Variants in FLACC1 observed in about 807,000 individuals in gnomAD.
The protein encoded by FLACC1 is flagellum-associated coiled-coil domain-containing protein 1.
Under a neutral mutation model 62.8 loss-of-function variants are expected in FLACC1, and 66 were observed. The ratio of observed to expected loss-of-function variants is 1.05; its 90% CI spans 0.86 to 1.29. The LOEUF (loss-of-function observed/expected upper bound fraction) is 1.29, where lower values mean the gene tolerates loss of function less well. FLACC1 is among the 50% of genes most tolerant of loss of function. The pLI is 0.00. For synonymous variants in FLACC1, 156 were observed against 161.0 expected (o/e 0.97, Z 0.24); for missense variants, 452 against 489.1 (o/e 0.92, Z 0.71).
At chr2:201,343,325 T>G (rs928975685) in intron 6 of FLACC1, among the ~76,000 whole-genome samples, 10 of 152,240 alleles carry the variant, frequency 6.6e-5, no homozygotes, top group Non-Finnish European at 8.8e-5. Context: ...GTTGAGAGAT[T>G]GTATGCAAAT....
At chr2:201,362,514 C>T in the FLACC1 span, among the ~76,000 whole-genome samples, 1 of 151,954 alleles carries the variant, frequency 6.6e-6, no homozygotes, top group African/African-American at 2.4e-5. Flanking sequence ...ACAAACAGCC[C>T]CAGTGATGGC....
Position 201,326,981 on chromosome 2 carries a change from G to T in FLACC1, c.675+3489C>A, listed in dbSNP as rs747840757. Among the ~76,000 whole-genome samples the T allele has an allele frequency of 4.6e-5, 7 of 152,106 alleles. No individual in the cohort carries two copies. Among genetic ancestry groups the T allele is most frequent in the African/African-American group, 7.2e-5 (3 of 41,426 alleles). On this transcript the variant is annotated intron_variant, in intron 9 of 14. Coordinates refer to ENST00000392257, the MANE Select transcript of FLACC1 (RefSeq NM_001127391.3). This position sits in a 1 kb window ranked among gnomAD's most constrained non-coding sequence, Gnocchi z 4.1. The stretch of plus-strand genomic sequence containing the variant: ...GTACTGGTATAAAAGTAGGCACATA[G>T]GCCAAGGAAACAGAACAGAAAACCC...
intron 7 of FLACC1, among the ~76,000 whole-genome samples, chr2:201,339,066 C>CTTTTTTTTTTTTTTTTTTTTTTTT (rs1559414089): frequency 3.3e-5 from 5 of 151,982 alleles, no homozygotes; most frequent in African/African-American, 1.2e-4. Context: ...TGTTGGGAGA[C>CTTTTTTTTTTTTTTTTTTTTTTTT]TTTTTATTAC....
rs1950166961 is a variant in FLACC1, at chr2:201,309,260, TA to T, written c.676-11del. 6.3e-7 allele frequency: 1 copy of T among 1,598,480 alleles called. No individual in the cohort carries two copies. Among genetic ancestry groups the T allele is most frequent in the Non-Finnish European group, 8.6e-7 (1 of 1,166,522 alleles). ...CATCATAAATACTGTCCTGGGGAGGTACAAAGGCACCATGAAGAAAAGAGTC... is the reference window on the plus strand; with the variant it reads ...CATCATAAATACTGTCCTGGGGAGGTCAAAGGCACCATGAAGAAAAGAGTC... On this transcript the variant is annotated splice_polypyrimidine_tract_variant and intron_variant, in intron 9 of 14. Coordinates refer to ENST00000392257, the MANE Select transcript of FLACC1 (RefSeq NM_001127391.3).
At chr2:201,361,733 CAT>C (rs1367854638), upstream of FLACC1, among the ~76,000 whole-genome samples, 11 of 152,304 alleles carry the variant, frequency 7.2e-5, 1 homozygote, top group African/African-American at 2.6e-4. Context: ...TCTGGCCTAT[CAT>C]AATGTTTGAA....
chr2:201,353,303 G>A (rs1015577207), intron 1 of FLACC1, among the ~76,000 whole-genome samples: 1 of 152,176 alleles, frequency 6.6e-6, no homozygotes, highest in Non-Finnish European at 1.5e-5. Context: ...GTGACTACAT[G>A]GGAAGAATGA....
chr2:201,358,639 G>T (rs935226323), upstream of FLACC1, among the ~76,000 whole-genome samples: 2 of 151,784 alleles, frequency 1.3e-5, no homozygotes, highest in African/African-American at 4.8e-5. Context: ...GGATGGTCTC[G>T]ATCTCCTGAC....
intron 7 of FLACC1, among the ~76,000 whole-genome samples, chr2:201,332,567 A>G (rs763607011): frequency 6.6e-6 from 1 of 152,158 alleles, no homozygotes; most frequent in Non-Finnish European, 1.5e-5. Flanking sequence ...TTTCAGTGAG[A>G]ACATTTGAAA....
In FLACC1 at chr2:201,335,699, T is replaced by A. The variant is rs114285115; in HGVS notation, c.525-4866A>T. ...ATGAATTTTAAGATTATTTGTTCTATTTTTGTGAAGAACATTTTTGGTATT... is the reference window on the plus strand; with the variant it reads ...ATGAATTTTAAGATTATTTGTTCTAATTTTGTGAAGAACATTTTTGGTATT... On this transcript the variant is annotated intron_variant, in intron 7 of 14. Transcript: ENST00000392257. Among the ~76,000 whole-genome samples the A allele has an allele frequency of 4.7e-3, 712 of 152,294 alleles. 5 individuals carry two copies. The highest frequency in any genetic ancestry group is 0.016 in the African/African-American group (662 of 41,568).
At chr2:201,331,542 T>A (rs1156423567) in intron 7 of FLACC1, among the ~76,000 whole-genome samples, 1 of 152,150 alleles carries the variant, frequency 6.6e-6, no homozygotes, top group Non-Finnish European at 1.5e-5. Context: ...ATATGAGCTA[T>A]CAAGCATGAA....
Position 201,332,954 on chromosome 2 carries a change from A to T in FLACC1, c.525-2121T>A, listed in dbSNP as rs75261847. Among the ~76,000 whole-genome samples the T allele has an allele frequency of 4.5e-3, 692 of 152,298 alleles. 5 individuals carry two copies. The highest frequency in any genetic ancestry group is 0.015 in the African/African-American group (642 of 41,560). On this transcript the variant is annotated intron_variant, in intron 7 of 14. Coordinates refer to ENST00000392257, the MANE Select transcript of FLACC1 (RefSeq NM_001127391.3). ...TATACCACATTTTCTTTATCCATTG[A>T]TCAACTGATGGACACTTAAGTTGAT...
At chr2:201,338,859 T>G (rs2125605068) in intron 7 of FLACC1, among the ~76,000 whole-genome samples, 1 of 152,300 alleles carries the variant, frequency 6.6e-6, no homozygotes, top group South Asian at 2.1e-4. Flanking sequence ...GAGATATTGA[T>G]CCGTGGTTTT....
the FLACC1 span, among the ~76,000 whole-genome samples, chr2:201,364,024 C>T: frequency 1.3e-5 from 2 of 152,192 alleles, no homozygotes; most frequent in Non-Finnish European, 2.9e-5. Flanking sequence ...CACTATGCAC[C>T]CCATGAATCA....
At chr2:201,290,239 C>T (rs1949700914) in intron 12 of FLACC1, among the ~76,000 whole-genome samples, 1 of 152,100 alleles carries the variant, frequency 6.6e-6, no homozygotes, top group Admixed American at 6.6e-5. Context: ...GCAAAACCCA[C>T]AGAATGTACA....
intron 7 of FLACC1, among the ~76,000 whole-genome samples, chr2:201,335,766 C>A (rs1009056415): frequency 8.5e-5 from 13 of 152,110 alleles, no homozygotes; most frequent in Non-Finnish European, 1.5e-4. Context: ...CTTTGGGTAG[C>A]ATGATCATTT....
At chr2:201,308,345 C>T (rs530574440) in intron 10 of FLACC1, among the ~76,000 whole-genome samples, 1 of 152,302 alleles carries the variant, frequency 6.6e-6, no homozygotes, top group South Asian at 2.1e-4. Context: ...AGCAGCTCCC[C>T]CTCCCGTTCC....
At chr2:201,302,192 C>T (rs1010309960) in intron 11 of FLACC1, among the ~76,000 whole-genome samples, 2 of 152,060 alleles carry the variant, frequency 1.3e-5, no homozygotes. Flanking sequence ...ACCCATCTCA[C>T]GTGCAGAGAC....
chr2:201,289,887 A>T, intron 12 of FLACC1, 102 bp from the exon 13 acceptor site: 1 of 1,593,962 alleles, frequency 6.3e-7, no homozygotes, highest in Non-Finnish European at 8.6e-7. Context: ...AACCTGAGCT[A>T]CTTTTGCATC....
At chr2:201,301,751 A>G (rs1016901096) in intron 11 of FLACC1, among the ~76,000 whole-genome samples, 2 of 152,258 alleles carry the variant, frequency 1.3e-5, no homozygotes, top group Non-Finnish European at 2.9e-5. Flanking sequence ...AACTCTATCT[A>G]CAAGCCAGAA....
Sources: allele counts gnomAD v4.1 joint callset (sites outside exome capture counted in the v4.1 genomes callset), GRCh38; gene constraint gnomAD v4.1.1; non-coding constraint Gnocchi (gnomAD v3.1); transcripts MANE v1.5; gene names NCBI Gene and HGNC (gene_info 2026-07-23, HGNC 2026-07-21).